MCM5: variants seen among roughly 807,000 people sequenced by gnomAD.
The protein encoded by MCM5 is DNA replication licensing factor MCM5.
In MCM5, 46 loss-of-function variants were observed where a neutral mutation model predicts 79.9. The observed-to-expected ratio is 0.58, with a 90% CI of 0.45 to 0.74. The LOEUF (loss-of-function observed/expected upper bound fraction) is 0.74. Among genes scored for constraint, MCM5 ranks in the 30% least tolerant of loss-of-function variants. The probability of loss-of-function intolerance (pLI) is 0.00; values close to 1 mark genes in which losing one functional copy is unlikely to be tolerated. For synonymous variants in MCM5, 404 were observed against 390.5 expected, an observed-to-expected ratio of 1.03 and a Z score of -0.41; for missense variants, 883 against 1,017.0, an observed-to-expected ratio of 0.87 and a Z score of 1.79.
chr22:35,453,642 G>A, the MCM5 span, among the ~76,000 whole-genome samples: 1 of 151,226 alleles, frequency 6.6e-6, no homozygotes, highest in Non-Finnish European at 1.5e-5. Flanking sequence ...CAGAGGGACA[G>A]ATATACAGAA....
the MCM5 span, among the ~76,000 whole-genome samples, chr22:35,445,224 G>A: frequency 6.6e-6 from 1 of 152,182 alleles, no homozygotes; most frequent in East Asian, 1.9e-4. Flanking sequence ...ACACCTGAGG[G>A]CAGCTGCTCC....
chr22:35,406,027 A>G lies in MCM5; in HGVS notation c.424-526A>G, dbSNP rs116880788. On this transcript the variant is annotated intron_variant, in intron 4 of 16. Transcript: ENST00000216122. ...CTCTGTCTCAAAAAAAAAAAAAGAA[A>G]AAAGAAAAAATATTACTGCCTTATT... Among the ~76,000 whole-genome samples the G allele has an allele frequency of 1.2e-4, 19 of 152,232 alleles. No individual in the cohort carries two copies. In the East Asian group the frequency reaches 2.7e-3, roughly 22 times the overall value.
intron 14 of MCM5, among the ~76,000 whole-genome samples, chr22:35,420,723 C>T (rs1253251236): frequency 6.6e-6 from 1 of 152,184 alleles, no homozygotes; most frequent in African/African-American, 2.4e-5. Flanking sequence ...CATGAAGTCC[C>T]ACACAATGCT....
the MCM5 span, among the ~76,000 whole-genome samples, chr22:35,438,683 C>A: frequency 7.7e-6 from 1 of 129,212 alleles, no homozygotes; most frequent in South Asian, 2.6e-4. Flanking sequence ...ACCCATCCAT[C>A]CATCCATCCA....
At chr22:35,446,260 G>T in the MCM5 span, among the ~76,000 whole-genome samples, 15 of 152,184 alleles carry the variant, frequency 9.9e-5, no homozygotes, top group South Asian at 4.1e-4. Context: ...GTATGTCAGG[G>T]TGTTGCGGGG....
At chr22:35,421,824 CT>C (rs1427025126) in intron 15 of MCM5, 5 of 346,582 alleles carry the variant, frequency 1.4e-5, no homozygotes, top group Non-Finnish European at 2.8e-5. Context: ...CAGCTGCCCC[CT>C]GGAAGCCAGG....
At position 35,413,040 on chromosome 22, in the gene MCM5, G is replaced by A. The variant is rs147946551; in HGVS notation, c.1091+359G>A. ...ATTTACTGTGTTCTTCCTATGCACA[G>A]CCATTCTTTGTTTTTTTTTTTTGAG... On this transcript the variant is annotated intron_variant, in intron 8 of 16. Transcript: ENST00000216122. Among the ~76,000 whole-genome samples the A allele has an allele frequency of 3.7e-3, 569 of 152,026 alleles. 7 individuals are homozygous for A. Among genetic ancestry groups the A allele is most frequent in the African/African-American group, 0.013 (540 of 41,496 alleles).
downstream of MCM5, among the ~76,000 whole-genome samples, chr22:35,427,646 C>T (rs1276186950): frequency 6.6e-6 from 1 of 151,916 alleles, no homozygotes; most frequent in Non-Finnish European, 1.5e-5. Flanking sequence ...TTGCTGCACC[C>T]ATCAACCCGT....
the MCM5 span, among the ~76,000 whole-genome samples, chr22:35,454,757 G>A: frequency 3.0e-4 from 46 of 152,268 alleles, no homozygotes; most frequent in Non-Finnish European, 5.9e-4. Context: ...AGCCTAGCAC[G>A]TGCTGAACAT....
chr22:35,447,877 G>A, the MCM5 span, among the ~76,000 whole-genome samples: 2 of 152,202 alleles, frequency 1.3e-5, no homozygotes, highest in African/African-American at 2.4e-5. Flanking sequence ...GCTGCTTTAT[G>A]CCCTTAGCCC....
intron 16 of MCM5, chr22:35,423,562 G>A: frequency 2.4e-6 from 1 of 415,812 alleles, no homozygotes. Flanking sequence ...CCACGAAGGG[G>A]AGGGGAGAGC....
chr22:35,452,427 T>TGTGTCTGGAGCATGGAGCCGGGCAG, the MCM5 span, among the ~76,000 whole-genome samples: 6 of 152,190 alleles, frequency 3.9e-5, no homozygotes, highest in Admixed American at 2.6e-4. Flanking sequence ...TCGGCCACTT[T>TGTGTCTGGAGCATGGAGCCGGGCAG]GTGTCTGGAG....
downstream of MCM5, among the ~76,000 whole-genome samples, chr22:35,428,804 T>A (rs1932793732): frequency 6.6e-6 from 1 of 151,810 alleles, no homozygotes; most frequent in Non-Finnish European, 1.5e-5. Flanking sequence ...GAGACAGGGT[T>A]TCTCTGTATT....
At chr22:35,452,218 T>A in the MCM5 span, among the ~76,000 whole-genome samples, 216 of 152,308 alleles carry the variant, frequency 1.4e-3, no homozygotes, top group African/African-American at 5.0e-3. Flanking sequence ...TTCAGCTTCG[T>A]CCAGCACCCA....
chr22:35,427,991 A>T (rs1932788721), downstream of MCM5, among the ~76,000 whole-genome samples: 1 of 150,030 alleles, frequency 6.7e-6, no homozygotes, highest in African/African-American at 2.5e-5. Flanking sequence ...CCTGGGCAAC[A>T]TAGTGAGACC....
the MCM5 span, among the ~76,000 whole-genome samples, chr22:35,440,504 G>C: frequency 6.6e-6 from 1 of 152,216 alleles, no homozygotes; most frequent in Admixed American, 6.5e-5. Flanking sequence ...GTTGAGAGGG[G>C]AGGAGGTACG....
At chr22:35,434,856 CAG>C in the MCM5 span, among the ~76,000 whole-genome samples, 6 of 152,132 alleles carry the variant, frequency 3.9e-5, no homozygotes, top group Non-Finnish European at 7.4e-5. Context: ...AACTGAGGCA[CAG>C]AGGAATGAGG....
chr22:35,405,673 G>C (rs1249910928), intron 4 of MCM5, among the ~76,000 whole-genome samples: 1 of 152,056 alleles, frequency 6.6e-6, no homozygotes, highest in African/African-American at 2.4e-5. Context: ...AGCCTTTGAA[G>C]AGTCATTTTT....
the MCM5 span, among the ~76,000 whole-genome samples, chr22:35,434,821 G>A: frequency 6.6e-6 from 1 of 152,256 alleles, no homozygotes; most frequent in Non-Finnish European, 1.5e-5. Context: ...TCTTTACCCC[G>A]ACAATGCTTT....
Sources: gnomAD v4.1 joint callset for allele counts (sites outside exome capture counted in the v4.1 genomes callset) on GRCh38, gnomAD v4.1.1 for gene constraint, MANE v1.5 for transcripts, NCBI Gene and HGNC (gene_info 2026-07-23, HGNC 2026-07-21) for gene names.